PTPRT: variants seen among roughly 807,000 people sequenced by gnomAD.
The protein encoded by PTPRT is receptor-type tyrosine-protein phosphatase T.
A neutral mutation model predicts 176.8 loss-of-function variants in PTPRT; 56 were observed. The ratio of observed to expected loss-of-function variants is 0.32; its 90% CI spans 0.26 to 0.40. PTPRT has a LOEUF of 0.40. Among genes scored for constraint, PTPRT ranks in the 10% least tolerant of loss-of-function variants. The pLI is 1.00. For synonymous variants in PTPRT, 783 were observed against 739.0 expected, an observed-to-expected ratio of 1.06 and a Z score of -0.96; for missense variants, 1,540 against 1,908.2, an observed-to-expected ratio of 0.81 and a Z score of 3.60.
chr20:42,116,070 G>T, intron 21 of PTPRT: 1 of 725,536 alleles, frequency 1.4e-6, no homozygotes, highest in Admixed American at 2.0e-5. Context: ...GCCTAGAGTG[G>T]CATTTCCCAC....
At chr20:42,363,292 A>AT (rs2058462239) in intron 9 of PTPRT, among the ~76,000 whole-genome samples, 1 of 25,464 alleles carries the variant, frequency 3.9e-5, no homozygotes, top group African/African-American at 1.8e-4. Context: ...ATATATATAT[A>AT]TATATATATT....
At chr20:42,827,202 G>T (rs1267558446) in intron 2 of PTPRT, among the ~76,000 whole-genome samples, 3 of 152,096 alleles carry the variant, frequency 2.0e-5, no homozygotes, top group South Asian at 2.1e-4. Context: ...GGACCAGATG[G>T]ATCTGATAGA....
At chr20:43,184,314 G>A (rs575922032) in intron 1 of PTPRT, among the ~76,000 whole-genome samples, 60 of 152,328 alleles carry the variant, frequency 3.9e-4, no homozygotes, top group African/African-American at 1.4e-3. Context: ...AGGTGCATCT[G>A]ATGGGGTTTC....
chr20:42,756,411 C>T (rs1044106879), intron 6 of PTPRT, 51 bp downstream of exon 6: 6 of 1,456,880 alleles, frequency 4.1e-6, no homozygotes, highest in Non-Finnish European at 5.5e-6. Context: ...CTTTAAGGCC[C>T]ATTAATGCCA....
At chr20:42,181,643 A>G (rs989706629) in intron 16 of PTPRT, among the ~76,000 whole-genome samples, 1 of 152,172 alleles carries the variant, frequency 6.6e-6, no homozygotes, top group Non-Finnish European at 1.5e-5. Context: ...AGTGAAAGTG[A>G]ACCATTGTGA....
intron 9 of PTPRT, among the ~76,000 whole-genome samples, chr20:42,398,492 G>A (rs529906255): frequency 6.6e-6 from 1 of 152,258 alleles, no homozygotes. Context: ...ATTAAATGAT[G>A]CAAAATATTA....
intron 2 of PTPRT, among the ~76,000 whole-genome samples, chr20:42,863,066 T>G (rs559525523): frequency 6.6e-6 from 1 of 152,278 alleles, no homozygotes; most frequent in Non-Finnish European, 1.5e-5. Context: ...AGACTGAGAT[T>G]CAGAGAAGTC....
rs187522247 is a variant in PTPRT at position 42,463,003 on chromosome 20, A to C, written c.1450+9263T>G. Among the ~76,000 whole-genome samples, 98 of 152,260 alleles carry C rather than the reference A, an allele frequency of 6.4e-4. No individual in the cohort carries two copies. In the Middle Eastern group the frequency reaches 0.014, roughly 21 times the overall value. On this transcript the variant is annotated intron_variant, in intron 8 of 30. Transcript: ENST00000373187. ...ATTTCCCAAATCACCCCTTTCTTCTATCACCTGGTAGGTCTGTGGGTCCAG... is the reference window on the plus strand; with the variant it reads ...ATTTCCCAAATCACCCCTTTCTTCTCTCACCTGGTAGGTCTGTGGGTCCAG...
intron 7 of PTPRT, among the ~76,000 whole-genome samples, chr20:42,646,378 G>A (rs1182170053): frequency 6.6e-6 from 1 of 151,866 alleles, no homozygotes; most frequent in Admixed American, 6.6e-5. Context: ...ATTCCTTTTT[G>A]AATTGTCCAT....
intron 7 of PTPRT, among the ~76,000 whole-genome samples, chr20:42,551,970 G>T (rs1289230193): frequency 6.6e-6 from 1 of 152,116 alleles, no homozygotes; most frequent in Non-Finnish European, 1.5e-5. Flanking sequence ...ACATGAAGGG[G>T]ATGCTTCTCT....
chr20:42,975,085 A>C (rs190532041), intron 1 of PTPRT, among the ~76,000 whole-genome samples: 50 of 152,378 alleles, frequency 3.3e-4, no homozygotes, highest in African/African-American at 1.2e-3. Flanking sequence ...ACAAGGAAAT[A>C]ATCTGTGGAA....
intron 7 of PTPRT, among the ~76,000 whole-genome samples, chr20:42,563,797 T>A (rs922862003): frequency 6.6e-6 from 1 of 152,202 alleles, no homozygotes; most frequent in African/African-American, 2.4e-5. Flanking sequence ...TGCACACACA[T>A]GCCCACGGCA....
chr20:42,790,910 T>A (rs1243469085), intron 3 of PTPRT, among the ~76,000 whole-genome samples: 1 of 152,204 alleles, frequency 6.6e-6, no homozygotes, highest in Non-Finnish European at 1.5e-5. Flanking sequence ...GCACTGACTT[T>A]ATAAAAAGGA....
rs544533494 is a variant in PTPRT at position 42,409,942 on chromosome 20, A to G, written c.1560+38278T>C. 7.9e-5 allele frequency among the ~76,000 whole-genome samples: 12 copies of G among 152,332 alleles called. No homozygotes were observed. The South Asian group carries it at 2.3e-3, about 29-fold the overall frequency. On this transcript the variant is annotated intron_variant, in intron 9 of 30. Coordinates refer to ENST00000373187, the MANE Select transcript of PTPRT (RefSeq NM_007050.6). ...TTAAAAAGAAATCATGAAAGTAAGAACAAACAAACAACCCAAACCACTTGG... is the reference window on the plus strand; with the variant it reads ...TTAAAAAGAAATCATGAAAGTAAGAGCAAACAAACAACCCAAACCACTTGG...
chr20:42,454,881 A>G (rs1474130986), intron 8 of PTPRT, among the ~76,000 whole-genome samples: 1 of 152,210 alleles, frequency 6.6e-6, no homozygotes, highest in Admixed American at 6.5e-5. Context: ...ATTTACCTAA[A>G]TGCTGTGGGA....
At chr20:43,062,924 T>C (rs914050446) in intron 1 of PTPRT, among the ~76,000 whole-genome samples, 2 of 152,224 alleles carry the variant, frequency 1.3e-5, no homozygotes, top group East Asian at 1.9e-4. Context: ...GGGGTCAGCA[T>C]GGCAAATTTC....
chr20:42,229,244 G>T (rs917021026), intron 15 of PTPRT, among the ~76,000 whole-genome samples: 7 of 152,306 alleles, frequency 4.6e-5, no homozygotes, highest in Middle Eastern at 6.8e-3. Context: ...GAGCAGATCT[G>T]GGGGGTGAGG....
chr20:42,098,381 C>T, intron 27 of PTPRT, 40 bp downstream of exon 27: 4 of 1,610,250 alleles, frequency 2.5e-6, no homozygotes, highest in Non-Finnish European at 3.4e-6. Context: ...AGAGCATGGC[C>T]CCCCTGACCC....
chr20:43,092,646 A>T (rs529995377), intron 1 of PTPRT, among the ~76,000 whole-genome samples: 48 of 152,312 alleles, frequency 3.2e-4, no homozygotes, highest in African/African-American at 1.1e-3. Flanking sequence ...TGAAAGTGAT[A>T]TCTCACTTCC....
Sources: allele counts gnomAD v4.1 joint callset (sites outside exome capture counted in the v4.1 genomes callset), GRCh38; gene constraint gnomAD v4.1.1; transcripts MANE v1.5; gene names NCBI Gene and HGNC (gene_info 2026-07-23, HGNC 2026-07-21).